Variants in RRM2 observed in about 807,000 individuals in gnomAD.
RRM2 encodes the protein ribonucleoside-diphosphate reductase subunit M2.
In RRM2, 6 loss-of-function variants were observed where a neutral mutation model predicts 45.9. The ratio of observed to expected loss-of-function variants is 0.13; its 90% confidence interval spans 0.07 to 0.26. RRM2 has a LOEUF of 0.26. RRM2 is among the 10% of genes least tolerant of loss of function. The pLI is 1.00. For synonymous variants in RRM2, 177 were observed against 173.0 expected, an observed-to-expected ratio of 1.02 and a Z score of -0.18; for missense variants, 343 against 489.5, an observed-to-expected ratio of 0.70 and a Z score of 2.82.
chr2:10,143,810 G>C (rs1017452191), intron 3 of RRM2, among the ~76,000 whole-genome samples: 3 of 152,188 alleles, frequency 2.0e-5, no homozygotes, highest in East Asian at 3.8e-4. Context: ...TGGGACTACA[G>C]GTGTGCACCA....
chr2:10,131,428 T>C (rs1351250689), downstream of RRM2: 1 of 142,274 alleles, frequency 7.0e-6, no homozygotes, highest in Non-Finnish European at 1.5e-5. Flanking sequence ...TCTTGATTGG[T>C]AAAATTTGCA....
chr2:10,169,632 G>A lies in RRM2; in HGVS notation n.482+27257G>A, dbSNP rs1351386549. Among the ~76,000 whole-genome samples the A allele has an allele frequency of 6.6e-6, 1 of 152,198 alleles. No individual in the cohort carries two copies. The highest frequency in any genetic ancestry group is 2.4e-5 in the African/African-American group (1 of 41,452). On this transcript the variant is annotated intron_variant and non_coding_transcript_variant, in intron 3 of 3. Transcript: ENST00000381786. The surrounding 1 kb of genome is among the most constrained non-coding windows in gnomAD (Gnocchi z 5.1). ...AGACGGCGGCTGCTCCTTGGAAGCTGGCAGGCACGGCCACAGAATATGCGC... is the reference window on the plus strand; with the variant it reads ...AGACGGCGGCTGCTCCTTGGAAGCTAGCAGGCACGGCCACAGAATATGCGC...
At chr2:10,140,078 C>G (rs532991438), upstream of RRM2, among the ~76,000 whole-genome samples, 1 of 152,114 alleles carries the variant, frequency 6.6e-6, no homozygotes, top group East Asian at 1.9e-4. Context: ...GAAAGCCCCT[C>G]TCTACTAAAA....
chr2:10,199,799 A>AAAAAAAAAAAAAAAC (rs1664505838), intron 3 of RRM2, among the ~76,000 whole-genome samples: 1 of 149,694 alleles, frequency 6.7e-6, no homozygotes, highest in African/African-American at 2.5e-5. Context: ...AAAAAAAAAA[A>AAAAAAAAAAAAAAAC]AAAAAAAAAA....
chr2:10,184,648 C>T (rs1031459933), intron 3 of RRM2, among the ~76,000 whole-genome samples: 3 of 152,260 alleles, frequency 2.0e-5, no homozygotes, highest in African/African-American at 7.2e-5. Flanking sequence ...CCTTGTTCTC[C>T]TTCATGGCTC....
chr2:10,158,988 C>A (rs1281440056), intron 3 of RRM2, among the ~76,000 whole-genome samples: 1 of 152,218 alleles, frequency 6.6e-6, no homozygotes, highest in Non-Finnish European at 1.5e-5. Flanking sequence ...GGGGCTGGCC[C>A]AGATCATCGG....
intron 3 of RRM2, among the ~76,000 whole-genome samples, chr2:10,202,346 C>T (rs1032796471): frequency 1.4e-4 from 22 of 152,186 alleles, no homozygotes; most frequent in African/African-American, 5.1e-4. Context: ...AATGTTGGAA[C>T]CTTTCCTTGG....
chr2:10,167,508 C>T (rs567869715), intron 3 of RRM2, among the ~76,000 whole-genome samples: 4 of 152,294 alleles, frequency 2.6e-5, no homozygotes, highest in South Asian at 2.1e-4. Context: ...GGGCTCTGCA[C>T]GCTGCGCCCT....
intron 3 of RRM2, among the ~76,000 whole-genome samples, chr2:10,196,642 C>T (rs901607636): frequency 3.3e-5 from 5 of 152,172 alleles, no homozygotes. Context: ...CGGGGATGGA[C>T]AGCCAGCAGC....
At chr2:10,173,409 G>A (rs1001833792) in intron 3 of RRM2, among the ~76,000 whole-genome samples, 8 of 152,174 alleles carry the variant, frequency 5.3e-5, no homozygotes, top group South Asian at 2.1e-4. Context: ...CCACCACTGC[G>A]TTGGCCAGTC....
At chr2:10,145,282 G>T (rs1663165355) in intron 3 of RRM2, among the ~76,000 whole-genome samples, 1 of 152,144 alleles carries the variant, frequency 6.6e-6, no homozygotes, top group African/African-American at 2.4e-5. Context: ...CCCGAAAGTT[G>T]TAACTGGGGA....
In RRM2 at chr2:10,127,056, T is replaced by C. The variant is rs1662794740; in HGVS notation, c.665-31T>C. ...TTTTGGCCCTTGAATACCAACTCAC[T>C]AGAATCATGTTGGTGTTAACTCCTA... On this transcript the variant is annotated intron_variant, in intron 6 of 9. Transcript: ENST00000304567. The surrounding 1 kb of genome is among the most constrained non-coding windows in gnomAD (Gnocchi z 4.1). 1 of 1,612,884 alleles carries C rather than the reference T, an allele frequency of 6.2e-7. No individual in the cohort carries two copies. Among genetic ancestry groups the C allele is most frequent in the South Asian group, 1.1e-5 (1 of 91,048 alleles).
In RRM2 at chr2:10,191,582, C is replaced by CT. The variant is rs534618222; in HGVS notation, n.483-18728dup. The stretch of plus-strand genomic sequence containing the variant: ...GGTACCGCTGCCCACAAAGGGAAGT[C>CT]TCTGAGTTGGAGCGGAGCAGGGGCG... On this transcript the variant is annotated intron_variant and non_coding_transcript_variant, in intron 3 of 3. Transcript: ENST00000381786. Among the ~76,000 whole-genome samples, 7 of 152,210 alleles carry CT rather than the reference C, an allele frequency of 4.6e-5. No homozygotes were observed. In the South Asian group the frequency reaches 1.4e-3, roughly 32 times the overall value.
intron 3 of RRM2, among the ~76,000 whole-genome samples, chr2:10,160,616 G>C (rs1160395318): frequency 6.6e-6 from 1 of 152,042 alleles, no homozygotes; most frequent in Non-Finnish European, 1.5e-5. Flanking sequence ...CACCATAGAG[G>C]TTTGGGTCCC....
intron 3 of RRM2, among the ~76,000 whole-genome samples, chr2:10,200,576 CACAGGGACCGCGCGCGCAAAATATGAG>C (rs1289672328): frequency 4.5e-5 from 1 of 22,470 alleles, no homozygotes; most frequent in African/African-American, 1.1e-4. Context: ...ATATGAGGCC[CACAGGGACCGCGCGCGCAAAATATGAG>C]GCCCACAGGG....
chr2:10,141,818 T>C, intron 1 of RRM2: 2 of 1,551,274 alleles, frequency 1.3e-6, no homozygotes, highest in Non-Finnish European at 1.7e-6. Context: ...TGCTCCAGCA[T>C]GCAGTCACTG....
rs1558380386 is a variant in RRM2 at position 10,126,196 on chromosome 2, GCCCAA to G, written c.570-678_570-674del. Among the ~76,000 whole-genome samples the G allele has an allele frequency of 1.3e-4, 16 of 123,994 alleles. 3 individuals carry two copies. In the South Asian group the frequency reaches 1.3e-3, roughly 10 times the overall value. 81.3% of individuals were successfully genotyped at this position (123,994 alleles called of 152,430 possible). A position where few individuals can be genotyped will look rare whatever the true frequency, so the allele number is the denominator to read the frequency against. ...AAAAAAAAAAAAAAAAAAAAAAGCT[GCCCAA>G]TGTCTGGTGCCCTTGGCTTCAGAAC... On this transcript the variant is annotated intron_variant, in intron 5 of 9. Coordinates refer to ENST00000304567, the MANE Select transcript of RRM2 (RefSeq NM_001034.4).
chr2:10,125,460 C>T (rs2125306596), intron 5 of RRM2, among the ~76,000 whole-genome samples: 1 of 152,248 alleles, frequency 6.6e-6, no homozygotes, highest in East Asian at 1.9e-4. Context: ...AATCCCAGCA[C>T]TTTGGGAGGC....
intron 3 of RRM2, among the ~76,000 whole-genome samples, chr2:10,143,742 A>T (rs897147913): frequency 1.3e-5 from 2 of 151,960 alleles, no homozygotes; most frequent in Non-Finnish European, 2.9e-5. Context: ...ATCTTGGCTC[A>T]CTGCAACCTC....
Sources: allele counts gnomAD v4.1 joint callset (sites outside exome capture counted in the v4.1 genomes callset), GRCh38; gene constraint gnomAD v4.1.1; non-coding constraint Gnocchi (gnomAD v3.1); transcripts MANE v1.5; gene names NCBI Gene and HGNC (gene_info 2026-07-23, HGNC 2026-07-21).